PDE1A: variants seen among roughly 807,000 people sequenced by gnomAD.
The protein encoded by PDE1A is phosphodiesterase 1A, also known as dual specificity calcium/calmodulin-dependent 3',5'-cyclic nucleotide phosphodiesterase 1A.
Under a neutral mutation model 61.7 loss-of-function variants are expected in PDE1A, and 35 were observed. That is an observed-to-expected ratio of 0.57 (90% CI 0.43 to 0.75). The LOEUF (loss-of-function observed/expected upper bound fraction) is 0.75, where lower values mean the gene tolerates loss of function less well. Ranked by LOEUF, PDE1A falls within the 30% of genes least tolerant of loss-of-function variation. The pLI is 0.00. For synonymous variants in PDE1A, 232 were observed against 213.2 expected, an observed-to-expected ratio of 1.09 and a Z score of -0.77; for missense variants, 597 against 630.6, an observed-to-expected ratio of 0.95 and a Z score of 0.57.
exon 13 of PDE1A, chr2:182,186,040 T>G: frequency 6.2e-7 from 1 of 1,614,036 alleles, no homozygotes; most frequent in Non-Finnish European, 8.5e-7. Flanking sequence ...TTGATCGTCT[T>G]AGTGCATCAG....
At chr2:182,695,971 G>A in the PDE1A span, among the ~76,000 whole-genome samples, 1 of 152,306 alleles carries the variant, frequency 6.6e-6, no homozygotes, top group East Asian at 1.9e-4. Context: ...CCAAATGCTA[G>A]CAAGTATGTG....
At chr2:182,383,120 C>G (rs1378110325) in intron 1 of PDE1A, among the ~76,000 whole-genome samples, 1 of 152,162 alleles carries the variant, frequency 6.6e-6, no homozygotes, top group African/African-American at 2.4e-5. Context: ...CTAAAAATAG[C>G]TTGGGAATTT....
the PDE1A span, among the ~76,000 whole-genome samples, chr2:182,596,113 T>C: frequency 6.6e-6 from 1 of 152,312 alleles, no homozygotes; most frequent in East Asian, 1.9e-4. Flanking sequence ...TAAGGGAGTA[T>C]TTGAGACAGA....
the PDE1A span, among the ~76,000 whole-genome samples, chr2:182,684,231 A>G: frequency 1.3e-5 from 2 of 152,184 alleles, 1 homozygote; most frequent in East Asian, 3.9e-4. Flanking sequence ...CTAAAGCTTC[A>G]TTCCAAAAAT....
At chr2:182,661,127 C>T in the PDE1A span, among the ~76,000 whole-genome samples, 361 of 152,264 alleles carry the variant, frequency 2.4e-3, 2 homozygotes, top group African/African-American at 8.1e-3. Flanking sequence ...TGTTTAAAAA[C>T]GACAGTTTTG....
the PDE1A span, among the ~76,000 whole-genome samples, chr2:182,689,279 T>C: frequency 4.6e-3 from 701 of 152,284 alleles, 7 homozygotes; most frequent in Middle Eastern, 0.02. Flanking sequence ...TAGTTGGAAG[T>C]AAAGCACTCC....
chr2:182,512,727 G>C (rs1387628075), intron 2 of PDE1A, among the ~76,000 whole-genome samples: 2 of 152,114 alleles, frequency 1.3e-5, no homozygotes, highest in Non-Finnish European at 2.9e-5. Context: ...CAAGAGCTGA[G>C]AGACAAAATA....
At chr2:182,399,392 C>T (rs1055007811) in intron 1 of PDE1A, among the ~76,000 whole-genome samples, 1 of 151,888 alleles carries the variant, frequency 6.6e-6, no homozygotes, top group Non-Finnish European at 1.5e-5. Context: ...AATCCTGCCC[C>T]CTCTGCTTCT....
chr2:182,339,419 A>T (rs1287082891), intron 1 of PDE1A, among the ~76,000 whole-genome samples: 1 of 152,222 alleles, frequency 6.6e-6, no homozygotes, highest in Non-Finnish European at 1.5e-5. Flanking sequence ...TTACTTTTTA[A>T]AAGAGCTATA....
the PDE1A span, among the ~76,000 whole-genome samples, chr2:182,629,296 A>G: frequency 6.6e-6 from 1 of 152,210 alleles, no homozygotes; most frequent in Admixed American, 6.5e-5. Flanking sequence ...GCAACAGAAA[A>G]TAAGTGTATG....
chr2:182,360,738 T>C (rs1186829420), intron 1 of PDE1A, among the ~76,000 whole-genome samples: 1 of 151,706 alleles, frequency 6.6e-6, no homozygotes, highest in Non-Finnish European at 1.5e-5. Context: ...TTTCCCCCTA[T>C]GGTGGAAGGG....
At chr2:182,554,119 C>T in the PDE1A span, among the ~76,000 whole-genome samples, 1 of 152,110 alleles carries the variant, frequency 6.6e-6, no homozygotes, top group Non-Finnish European at 1.5e-5. Context: ...GACTATAATA[C>T]TTAGATGAGA....
At chr2:182,490,699 A>T (rs4666846) in intron 2 of PDE1A, among the ~76,000 whole-genome samples, 62,462 of 152,020 alleles carry the variant, frequency 0.41, 13,314 homozygotes, top group African/African-American at 0.51. Flanking sequence ...TAACCTGAAA[A>T]TATTATGGTA....
At chr2:182,633,154 GTC>G in the PDE1A span, among the ~76,000 whole-genome samples, 1 of 152,190 alleles carries the variant, frequency 6.6e-6, no homozygotes, top group African/African-American at 2.4e-5. Context: ...AGATGTCAGT[GTC>G]ACAGCAGGTC....
At chr2:182,305,658 G>A (rs907103219) in intron 1 of PDE1A, among the ~76,000 whole-genome samples, 1 of 151,930 alleles carries the variant, frequency 6.6e-6, no homozygotes. Context: ...CTAAGCATTA[G>A]AATTTCAAAA....
chr2:182,463,565 G>A (rs932175626), intron 2 of PDE1A: 1 of 152,072 alleles, frequency 6.6e-6, no homozygotes, highest in African/African-American at 2.4e-5. Context: ...AACAAGAATG[G>A]TTACCGTAAG....
chr2:182,388,571 C>T (rs1156501746), intron 1 of PDE1A, among the ~76,000 whole-genome samples: 1 of 151,676 alleles, frequency 6.6e-6, no homozygotes, highest in African/African-American at 2.4e-5. Flanking sequence ...CCTAAACAGC[C>T]AATGATCAAT....
At chr2:182,187,245 TG>T (rs1685285049) in intron 11 of PDE1A, among the ~76,000 whole-genome samples, 1 of 152,234 alleles carries the variant, frequency 6.6e-6, no homozygotes, top group Admixed American at 6.5e-5. Flanking sequence ...CACTTTGAGA[TG>T]TCAGTACTGA....
the PDE1A span, among the ~76,000 whole-genome samples, chr2:182,544,109 A>G: frequency 7.2e-5 from 11 of 152,338 alleles, no homozygotes; most frequent in South Asian, 4.1e-4. Context: ...CTTCTTAAAA[A>G]TAAGTGACCT....
Sources: gnomAD v4.1 joint callset for allele counts (sites outside exome capture counted in the v4.1 genomes callset) on GRCh38, gnomAD v4.1.1 for gene constraint, MANE v1.5 for transcripts, NCBI Gene and HGNC (gene_info 2026-07-23, HGNC 2026-07-21) for gene names.